Variants in CADPS observed in about 807,000 individuals in gnomAD.
CADPS encodes calcium-dependent secretion activator 1.
In CADPS, 57 loss-of-function variants were observed where a neutral mutation model predicts 167.3. The observed-to-expected ratio is 0.34, with a 90% confidence interval of 0.28 to 0.42. CADPS has a LOEUF of 0.42. Ranked by LOEUF, CADPS falls within the 20% of genes least tolerant of loss-of-function variation. The probability of loss-of-function intolerance (pLI) is 1.00; values close to 1 mark genes in which losing one functional copy is unlikely to be tolerated. For missense variants in CADPS, 1,414 were observed against 1,738.1 expected (o/e 0.81, Z 3.32); for synonymous variants, 676 against 635.3 (o/e 1.06, Z -0.96).
chr3:62,769,512 G>A (rs759006670), intron 1 of CADPS, among the ~76,000 whole-genome samples: 8 of 152,140 alleles, frequency 5.3e-5, no homozygotes, highest in African/African-American at 1.4e-4. Context: ...AATTACAGGC[G>A]TGAACCACTG....
chr3:62,604,276 T>TG (rs2060385913), intron 6 of CADPS, among the ~76,000 whole-genome samples: 1 of 152,238 alleles, frequency 6.6e-6, no homozygotes, highest in Non-Finnish European at 1.5e-5. Context: ...TCTCTGGATC[T>TG]GCCTGCCTGT....
At chr3:62,561,639 T>C (rs2079188680) in intron 9 of CADPS, among the ~76,000 whole-genome samples, 1 of 152,138 alleles carries the variant, frequency 6.6e-6, no homozygotes, top group Non-Finnish European at 1.5e-5. Context: ...CCATAACCTC[T>C]AAGATTGCCC....
At chr3:62,771,038 AG>A (rs1168452119) in intron 1 of CADPS, among the ~76,000 whole-genome samples, 1 of 152,296 alleles carries the variant, frequency 6.6e-6, no homozygotes, top group Admixed American at 6.5e-5. Flanking sequence ...GATGCATATT[AG>A]GGCCTTCTTT....
chr3:62,475,603 A>AAC (rs1553787334), intron 23 of CADPS, among the ~76,000 whole-genome samples: 7 of 149,648 alleles, frequency 4.7e-5, no homozygotes, highest in African/African-American at 1.5e-4. Context: ...AAAAAAAAAA[A>AAC]AAAAAAAAAC....
At chr3:62,800,124 CA>C (rs1474111377) in intron 1 of CADPS, among the ~76,000 whole-genome samples, 2 of 152,122 alleles carry the variant, frequency 1.3e-5, no homozygotes, top group Non-Finnish European at 2.9e-5. Flanking sequence ...ACTTGGGGAA[CA>C]GGGGAAATGG....
At chr3:62,740,918 C>T (rs558135241) in intron 3 of CADPS, among the ~76,000 whole-genome samples, 3 of 152,188 alleles carry the variant, frequency 2.0e-5, no homozygotes, top group Non-Finnish European at 4.4e-5. Flanking sequence ...CAATTGTCTA[C>T]TATTTTACAT....
intron 8 of CADPS, among the ~76,000 whole-genome samples, chr3:62,583,026 G>T (rs150314018): frequency 5.9e-5 from 9 of 152,254 alleles, no homozygotes; most frequent in Non-Finnish European, 1.2e-4. Flanking sequence ...GCTTCAGAGA[G>T]AACTCGAATG....
chr3:62,806,525 G>C (rs1348390149), intron 1 of CADPS, among the ~76,000 whole-genome samples: 3 of 152,076 alleles, frequency 2.0e-5, no homozygotes, highest in African/African-American at 4.8e-5. Context: ...GCAAAACCCT[G>C]TCTCCAAATA....
intron 3 of CADPS, among the ~76,000 whole-genome samples, chr3:62,686,301 C>A (rs1021975595): frequency 2.6e-5 from 4 of 151,964 alleles, no homozygotes; most frequent in African/African-American, 9.7e-5. Context: ...TGTCTTCCTG[C>A]AGAGGGAAAA....
chr3:62,646,108 T>C (rs1258522890), intron 5 of CADPS, among the ~76,000 whole-genome samples: 1 of 152,056 alleles, frequency 6.6e-6, no homozygotes, highest in East Asian at 1.9e-4. Flanking sequence ...TGGGCTACTC[T>C]TTCTGTGTTA....
chr3:62,475,285 T>A (rs2061126895), intron 23 of CADPS, among the ~76,000 whole-genome samples: 1 of 152,134 alleles, frequency 6.6e-6, no homozygotes. Flanking sequence ...TTAAAAGGTT[T>A]CAGGGAAGTG....
chr3:62,756,874 CAG>C (rs1406869407), intron 2 of CADPS, among the ~76,000 whole-genome samples: 6 of 152,082 alleles, frequency 3.9e-5, no homozygotes, highest in Non-Finnish European at 8.8e-5. Flanking sequence ...AGGGAGGGGC[CAG>C]AGAGTCCAGG....
In CADPS at chr3:62,399,396, A is replaced by T. The variant is rs1193764484; in HGVS notation, c.*10T>A. 6.2e-7 allele frequency: 1 copy of T among 1,613,882 alleles called. No individual in the cohort carries two copies. The highest frequency in any genetic ancestry group is 8.5e-7 in the Non-Finnish European group (1 of 1,179,774). On this transcript the variant is annotated 3_prime_UTR_variant, in exon 30 of 30. Coordinates refer to ENST00000383710, the MANE Select transcript of CADPS (RefSeq NM_003716.4). The surrounding 1 kb of genome is among the most constrained non-coding windows in gnomAD (Gnocchi z 5.6). ...GGACTCTGTCCCAGCAGACTCTAGG[A>T]CCAAATGGTCTAATCGTCTTCTTCG...
At chr3:62,663,088 T>A (rs772028078) in intron 3 of CADPS, among the ~76,000 whole-genome samples, 17 of 152,216 alleles carry the variant, frequency 1.1e-4, no homozygotes, top group Non-Finnish European at 2.4e-4. Context: ...GTAGTCTTCA[T>A]CCCTTTTACA....
At chr3:62,526,320 AC>A (rs770692434) in intron 13 of CADPS, among the ~76,000 whole-genome samples, 2 of 152,180 alleles carry the variant, frequency 1.3e-5, no homozygotes, top group Non-Finnish European at 2.9e-5. Flanking sequence ...TATGCAGCTT[AC>A]TTTGGATTGC....
chr3:62,522,892 C>T (rs1392965758), intron 13 of CADPS, among the ~76,000 whole-genome samples: 2 of 152,200 alleles, frequency 1.3e-5, no homozygotes, highest in East Asian at 3.8e-4. Context: ...CCTGGAAGCT[C>T]TCCCACCTGC....
intron 28 of CADPS, among the ~76,000 whole-genome samples, chr3:62,436,758 TGA>T: frequency 6.6e-6 from 1 of 152,126 alleles, no homozygotes; most frequent in South Asian, 2.1e-4. Flanking sequence ...CATTTTTATC[TGA>T]GAGAGGATGG....
At chr3:62,792,575 A>C (rs1013554099) in intron 1 of CADPS, among the ~76,000 whole-genome samples, 1 of 152,002 alleles carries the variant, frequency 6.6e-6, no homozygotes, top group African/African-American at 2.4e-5. Context: ...AGCTCGCATT[A>C]TAATTAATTT....
chr3:62,595,421 G>T (rs996118604), intron 6 of CADPS, among the ~76,000 whole-genome samples: 2 of 152,044 alleles, frequency 1.3e-5, no homozygotes, highest in East Asian at 3.9e-4. Flanking sequence ...TCAAATTCTG[G>T]CTTAGTCACT....
Sources: allele counts gnomAD v4.1 joint callset (sites outside exome capture counted in the v4.1 genomes callset), GRCh38; gene constraint gnomAD v4.1.1; non-coding constraint Gnocchi (gnomAD v3.1); transcripts MANE v1.5; gene names NCBI Gene and HGNC (gene_info 2026-07-23, HGNC 2026-07-21).